Variants in CDCP2 observed in about 807,000 individuals in gnomAD.
CDCP2 encodes CUB domain-containing protein 2.
CDCP2 carries 31 observed loss-of-function variants against 31.0 expected under a neutral mutation model. The ratio of observed to expected loss-of-function variants is 1.00; its 90% CI spans 0.75 to 1.35. The LOEUF (loss-of-function observed/expected upper bound fraction) is 1.35. Among genes scored for constraint, CDCP2 ranks in the 40% most tolerant of loss-of-function variants. CDCP2 has a pLI of 0.00. For missense variants in CDCP2, 443 were observed against 482.6 expected (o/e 0.92, Z 0.77); for synonymous variants, 206 against 207.9 (o/e 0.99, Z 0.08).
At chr1:54,152,719 T>A in intron 1 of CDCP2, 125 bp downstream of exon 1, 2 of 802,868 alleles carry the variant, frequency 2.5e-6, no homozygotes, top group South Asian at 1.8e-5. Flanking sequence ...CATTCTCAAC[T>A]CAGCCACGTC....
intron 1 of CDCP2, among the ~76,000 whole-genome samples, chr1:54,149,008 T>TA (rs1557709448): frequency 4.1e-5 from 6 of 146,660 alleles, no homozygotes; most frequent in African/African-American, 1.5e-4. Context: ...TATATTTATT[T>TA]TATATATATA....
At chr1:54,133,754 G>A (rs1264596156) in intron 5 of CDCP2, among the ~76,000 whole-genome samples, 3 of 151,904 alleles carry the variant, frequency 2.0e-5, no homozygotes, top group African/African-American at 7.3e-5. Flanking sequence ...AAATTAGCCG[G>A]GCGTGATGGT....
intron 2 of CDCP2, among the ~76,000 whole-genome samples, chr1:54,143,229 A>G (rs1478629395): frequency 1.3e-5 from 2 of 152,148 alleles, no homozygotes; most frequent in Admixed American, 6.5e-5. Flanking sequence ...AATCCCAGCT[A>G]CTTGGGAGGC....
At chr1:54,143,666 C>T (rs1164713763) in intron 2 of CDCP2, 1 of 152,094 alleles carries the variant, frequency 6.6e-6, no homozygotes, top group Non-Finnish European at 1.5e-5. Context: ...CACCTGAGTC[C>T]CCCAGGATTG....
chr1:54,146,937 G>A (rs148207890), intron 1 of CDCP2, among the ~76,000 whole-genome samples: 5,108 of 151,508 alleles, frequency 0.034, 150 homozygotes, highest in Admixed American at 0.081. Flanking sequence ...TTAGCTGGGT[G>A]TGGTGGTGCA....
intron 5 of CDCP2, among the ~76,000 whole-genome samples, chr1:54,134,743 T>G (rs923941791): frequency 1.9e-5 from 1 of 51,774 alleles, no homozygotes; most frequent in Non-Finnish European, 5.3e-5. Flanking sequence ...TTTTGTTTTG[T>G]TTTGTTTTTT....
exon 3 of CDCP2, chr1:54,141,386 G>A (rs764644525): frequency 1.2e-6 from 2 of 1,613,702 alleles, no homozygotes; most frequent in Admixed American, 3.3e-5. Context: ...GGATACTCAG[G>A]ACTGGTGAGG....
At chr1:54,139,960 G>C in exon 4 of CDCP2, 1 of 1,614,202 alleles carries the variant, frequency 6.2e-7, no homozygotes, top group Non-Finnish European at 8.5e-7. Context: ...GGCTCCTCCA[G>C]GTCCAGGTCC....
intron 1 of CDCP2, among the ~76,000 whole-genome samples, chr1:54,146,037 C>G (rs1659463220): frequency 6.6e-6 from 1 of 152,118 alleles, no homozygotes; most frequent in Admixed American, 6.5e-5. Context: ...TGAACCACAA[C>G]AACATCTTAA....
intron 1 of CDCP2, among the ~76,000 whole-genome samples, chr1:54,145,316 C>CT (rs1659447548): frequency 1.3e-5 from 2 of 152,084 alleles, no homozygotes; most frequent in African/African-American, 2.4e-5. Context: ...GTCCCAGCTA[C>CT]CTGGGAGGCT....
rs1659545486 is a variant in CDCP2 at position 54,149,783 on chromosome 1, TG to T, written c.79+3060del. Among the ~76,000 whole-genome samples, 2 of 152,326 alleles carry T rather than the reference TG, an allele frequency of 1.3e-5. 1 individual carries two copies. The highest frequency in any genetic ancestry group is 1.3e-4 in the Admixed American group (2 of 15,298). ...TATTGCAAGCACCCAGAGCAGTACC[TG>T]GCACAAAGCTGGTGCTTAGTGTATA... On this transcript the variant is annotated intron_variant, in intron 1 of 5. Transcript: ENST00000530059.
At chr1:54,148,752 C>T (rs1048739408) in intron 1 of CDCP2, among the ~76,000 whole-genome samples, 5 of 150,650 alleles carry the variant, frequency 3.3e-5, no homozygotes, top group African/African-American at 9.9e-5. Flanking sequence ...GAGTCAAGGC[C>T]GGGTGCCATG....
intron 5 of CDCP2, among the ~76,000 whole-genome samples, chr1:54,133,793 G>C (rs1241155190): frequency 6.6e-6 from 1 of 152,068 alleles, no homozygotes; most frequent in African/African-American, 2.4e-5. Context: ...CTACTCGGGA[G>C]GCTGAGGCAC....
rs543766798 is a variant in CDCP2 at position 54,152,800 on chromosome 1, A to T, written c.79+44T>A. Reference sequence around the variant, plus strand: ...TTGAGCCCCTGGCTGTTGCCTGCCCACCTCCTTCCCCTCTCAGTTCATGTC... The same window carrying T: ...TTGAGCCCCTGGCTGTTGCCTGCCCTCCTCCTTCCCCTCTCAGTTCATGTC... On this transcript the variant is annotated intron_variant, in intron 1 of 5. Coordinates refer to ENST00000530059, the Ensembl canonical transcript of CDCP2. The T allele has an allele frequency of 1.6e-4, 247 of 1,561,552 alleles. 1 individual carries two copies. The highest frequency in any genetic ancestry group is 1.0e-3 in the Admixed American group (57 of 57,170).
At chr1:54,144,548 G>T (rs1659427693) in exon 2 of CDCP2, 1 of 1,613,394 alleles carries the variant, frequency 6.2e-7, no homozygotes, top group South Asian at 1.1e-5. Context: ...GCCAGGAGGA[G>T]GTGAAGGGCG....
chr1:54,140,087 G>A, exon 4 of CDCP2: 1 of 1,613,470 alleles, frequency 6.2e-7, no homozygotes, highest in South Asian at 1.1e-5. Flanking sequence ...GCATGGCCAT[G>A]TATACCTCCT....
At chr1:54,133,145 C>A (rs940751496) in exon 6 of CDCP2, 1 of 399,018 alleles carries the variant, frequency 2.5e-6, no homozygotes, top group African/African-American at 2.1e-5. Flanking sequence ...CAGCATAGGG[C>A]CCCAGCCAGT....
At chr1:54,141,385 G>T (rs1426316119) in exon 3 of CDCP2, 6 of 1,613,566 alleles carry the variant, frequency 3.7e-6, no homozygotes, top group Middle Eastern at 3.3e-4. Flanking sequence ...GGGATACTCA[G>T]GACTGGTGAG....
At chr1:54,144,726 C>T (rs201584543) in exon 2 of CDCP2, 28 of 1,614,214 alleles carry the variant, frequency 1.7e-5, no homozygotes, top group Non-Finnish European at 2.1e-5. Context: ...CAGCCAGCTG[C>T]ACTCTGTGTT....
Sources: allele counts gnomAD v4.1 joint callset (sites outside exome capture counted in the v4.1 genomes callset), GRCh38; gene constraint gnomAD v4.1.1; transcripts MANE v1.5; gene names NCBI Gene and HGNC (gene_info 2026-07-23, HGNC 2026-07-21).